Variants in VTCN1 observed in about 807,000 individuals in gnomAD.
VTCN1 encodes V-set domain-containing T-cell activation inhibitor 1.
VTCN1 carries 26 observed loss-of-function variants against 26.5 expected under a neutral mutation model. That is an observed-to-expected ratio of 0.98 (90% CI 0.72 to 1.36). The LOEUF is 1.36. Ranked by LOEUF, VTCN1 falls within the 40% of genes most tolerant of loss-of-function variation. VTCN1 has a pLI of 0.00. For missense variants in VTCN1, 298 were observed against 337.7 expected, an observed-to-expected ratio of 0.88 and a Z score of 0.92; for synonymous variants, 116 against 130.7, an observed-to-expected ratio of 0.89 and a Z score of 0.77.
At chr1:117,193,798 A>T (rs1216910059) in intron 1 of VTCN1, among the ~76,000 whole-genome samples, 3 of 152,192 alleles carry the variant, frequency 2.0e-5, no homozygotes, top group Non-Finnish European at 2.9e-5. Flanking sequence ...AATAAATGGT[A>T]CTGGGAAAAC....
Position 117,173,081 on chromosome 1 carries a change from G to A in VTCN1, c.33-2910C>T, listed in dbSNP as rs114292339. On this transcript the variant is annotated intron_variant, in intron 1 of 5. Coordinates refer to ENST00000369458, the MANE Select transcript of VTCN1 (RefSeq NM_024626.4). Reference sequence around the variant, plus strand: ...GCTGTAACACTTACCGTGAAGGACCGCAGCTTCATTCCTGAAGTCAGAGAG... The same window carrying A: ...GCTGTAACACTTACCGTGAAGGACCACAGCTTCATTCCTGAAGTCAGAGAG... The A allele has an allele frequency of 7.5e-3, 5,224 of 700,470 alleles. 164 individuals carry two copies. Among genetic ancestry groups the A allele is most frequent in the African/African-American group, 0.074 (4,195 of 56,786 alleles). The allele number at this position is 700,470 out of a possible 1,614,324, so 43.4% of individuals were successfully genotyped here.
chr1:117,173,365 A>AACACAC (rs140251705), intron 1 of VTCN1: 11,049 of 383,486 alleles, frequency 0.029, 941 homozygotes, highest in African/African-American at 0.21. Flanking sequence ...GACACAGATG[A>AACACAC]ACACACACAC....
At chr1:117,180,277 C>A (rs1332744393) in intron 1 of VTCN1, among the ~76,000 whole-genome samples, 1 of 152,120 alleles carries the variant, frequency 6.6e-6, no homozygotes, top group Non-Finnish European at 1.5e-5. Context: ...TTAAGCCTGT[C>A]CTATTTATAG....
In VTCN1 at chr1:117,151,278, T is replaced by C. The variant is rs538525412; in HGVS notation, c.724+1813A>G. Among the ~76,000 whole-genome samples, 3 of 151,848 alleles carry C rather than the reference T, an allele frequency of 2.0e-5. No homozygotes were observed. In the South Asian group the frequency reaches 6.3e-4, roughly 32 times the overall value. On this transcript the variant is annotated intron_variant, in intron 4 of 5. Transcript: ENST00000369458. ...GTTTGTTCCTTCAGATGTTCAGATA[T>C]GGTGCATCTGGAGTTGTTTGTTCCT...
intron 1 of VTCN1, among the ~76,000 whole-genome samples, chr1:117,181,409 T>C (rs1043772404): frequency 6.6e-6 from 1 of 152,230 alleles, no homozygotes; most frequent in African/African-American, 2.4e-5. Context: ...AAGACCACCT[T>C]TAAATGCACC....
chr1:117,185,758 A>G (rs1647905132), intron 1 of VTCN1, among the ~76,000 whole-genome samples: 1 of 152,170 alleles, frequency 6.6e-6, no homozygotes, highest in Admixed American at 6.5e-5. Flanking sequence ...ATTCCTTTCT[A>G]TTGATAGTAA....
In VTCN1 at chr1:117,167,412, G is replaced by T. The variant is rs1267529159; in HGVS notation, c.97+2695C>A. On this transcript the variant is annotated intron_variant, in intron 2 of 5. Coordinates refer to ENST00000369458, the MANE Select transcript of VTCN1 (RefSeq NM_024626.4). The surrounding 1 kb of genome is among the most constrained non-coding windows in gnomAD (Gnocchi z 4.1). The stretch of plus-strand genomic sequence containing the variant: ...CATTATTCTACCTTTGACCAGCAGA[G>T]ATCCATTTGCCTGTTTTTGAACTTC... Among the ~76,000 whole-genome samples, 1 of 152,184 alleles carries T rather than the reference G, an allele frequency of 6.6e-6. No individual in the cohort carries two copies. Among genetic ancestry groups the T allele is most frequent in the Non-Finnish European group, 1.5e-5 (1 of 68,032 alleles).
intron 1 of VTCN1, among the ~76,000 whole-genome samples, chr1:117,171,242 C>T (rs1018830732): frequency 6.6e-6 from 1 of 152,136 alleles, no homozygotes; most frequent in Non-Finnish European, 1.5e-5. Context: ...TTTTCTTTAT[C>T]CAGCCTATCA....
In VTCN1 at chr1:117,183,668, A is replaced by G. The variant is rs945136067; in HGVS notation, c.33-13497T>C. 1.3e-5 allele frequency among the ~76,000 whole-genome samples: 2 copies of G among 152,224 alleles called. No individual in the cohort carries two copies. The highest frequency in any genetic ancestry group is 4.8e-5 in the African/African-American group (2 of 41,456). The stretch of plus-strand genomic sequence containing the variant: ...TCTCCACAAACAAGGGGCAAAATAG[A>G]AGTGTTTCTCTAAAAGAGAAAGGAC... On this transcript the variant is annotated intron_variant, in intron 1 of 5. Coordinates refer to ENST00000369458, the MANE Select transcript of VTCN1 (RefSeq NM_024626.4). The surrounding 1 kb of genome is among the most constrained non-coding windows in gnomAD (Gnocchi z 4.1).
Position 117,147,632 on chromosome 1 carries a change from G to T in VTCN1, c.*26C>A, listed in dbSNP as rs780253875. ...TCTCACCTGTTGTAACAATGACTTT[G>T]CATGCTTTTTTGTGGCCGAGGCACA... On this transcript the variant is annotated 3_prime_UTR_variant, in exon 5 of 6. Coordinates refer to ENST00000369458, the MANE Select transcript of VTCN1 (RefSeq NM_024626.4). The surrounding 1 kb of genome is among the most constrained non-coding windows in gnomAD (Gnocchi z 4.6). The T allele has an allele frequency of 2.5e-6, 4 of 1,609,790 alleles. No homozygotes were observed. The Admixed American group carries it at 6.8e-5, about 27-fold the overall frequency.
intron 1 of VTCN1, among the ~76,000 whole-genome samples, chr1:117,188,873 A>T (rs1648097784): frequency 6.6e-6 from 1 of 152,238 alleles, no homozygotes; most frequent in Admixed American, 6.5e-5. Context: ...GAACAATTAC[A>T]ATTAACTAAA....
rs1413039714 is a variant in VTCN1 at position 117,169,373 on chromosome 1, A to G, written c.97+734T>C. 6.6e-6 allele frequency among the ~76,000 whole-genome samples: 1 copy of G among 152,082 alleles called. No homozygotes were observed. The highest frequency in any genetic ancestry group is 1.5e-5 in the Non-Finnish European group (1 of 68,024). On this transcript the variant is annotated intron_variant, in intron 2 of 5. Transcript: ENST00000369458. This position sits in a 1 kb window ranked among gnomAD's most constrained non-coding sequence, Gnocchi z 4.0. The stretch of plus-strand genomic sequence containing the variant: ...ATGACCAGTTGTCTCTTTACCTAAG[A>G]CCCCTGTGTACAAAGACTTGATATT...
At chr1:117,198,136 G>A (rs1159351596) in intron 1 of VTCN1, among the ~76,000 whole-genome samples, 1 of 152,126 alleles carries the variant, frequency 6.6e-6, no homozygotes, top group Non-Finnish European at 1.5e-5. Context: ...CTATCATAGG[G>A]AAGCCCCACC....
chr1:117,193,011 G>C (rs747132769), intron 1 of VTCN1, among the ~76,000 whole-genome samples: 11 of 151,954 alleles, frequency 7.2e-5, no homozygotes, highest in Non-Finnish European at 1.5e-4. Context: ...AATAACAATG[G>C]AAATAAGAAT....
At chr1:117,196,403 T>G (rs4659193) in intron 1 of VTCN1, among the ~76,000 whole-genome samples, 58,281 of 144,896 alleles carry the variant, frequency 0.4, 11,905 homozygotes, top group Non-Finnish European at 0.45. Context: ...TATATATATA[T>G]AGAGAGAGAG....
intron 1 of VTCN1, among the ~76,000 whole-genome samples, chr1:117,173,852 C>T (rs1005385568): frequency 3.3e-5 from 5 of 152,196 alleles, no homozygotes; most frequent in South Asian, 4.1e-4. Context: ...TTGTGCATTT[C>T]GGCCAAAGCT....
chr1:117,168,237 C>G (rs1652715128), intron 2 of VTCN1, among the ~76,000 whole-genome samples: 1 of 152,100 alleles, frequency 6.6e-6, no homozygotes, highest in African/African-American at 2.4e-5. Flanking sequence ...ATGAAACAGG[C>G]TAGTGAATTC....
At chr1:117,188,757 T>C (rs1648092410) in intron 1 of VTCN1, among the ~76,000 whole-genome samples, 1 of 152,158 alleles carries the variant, frequency 6.6e-6, no homozygotes, top group Non-Finnish European at 1.5e-5. Context: ...TCCCCCAAGA[T>C]CCTTCAGGCC....
intron 4 of VTCN1, among the ~76,000 whole-genome samples, chr1:117,151,208 T>A (rs905480841): frequency 5.9e-5 from 9 of 151,884 alleles, no homozygotes; most frequent in African/African-American, 2.2e-4. Flanking sequence ...TTCTTTTTTT[T>A]TTTTTTTGGA....
Sources: gnomAD v4.1 joint callset for allele counts (sites outside exome capture counted in the v4.1 genomes callset) on GRCh38, gnomAD v4.1.1 for gene constraint, Gnocchi (gnomAD v3.1) non-coding constraint, MANE v1.5 for transcripts, NCBI Gene and HGNC (gene_info 2026-07-23, HGNC 2026-07-21) for gene names.